Variants in A1BG observed in about 807,000 individuals in gnomAD.
A1BG encodes the protein alpha-1-B glycoprotein, also known as alpha-1B-glycoprotein.
Under a neutral mutation model 46.0 loss-of-function variants are expected in A1BG, and 44 were observed. That is an observed-to-expected ratio of 0.96 (90% CI 0.75 to 1.23). The LOEUF is 1.23. Among genes scored for constraint, A1BG ranks in the 50% most tolerant of loss-of-function variants. A1BG has a pLI of 0.00. For missense variants in A1BG, 707 were observed against 688.8 expected (o/e 1.03, Z -0.30); for synonymous variants, 316 against 314.7 (o/e 1.00, Z -0.04).
At chr19:58,351,792 ATTCTT>A in intron 4 of A1BG, 105 bp from the exon 5 acceptor site, 2 of 968,388 alleles carry the variant, frequency 2.1e-6, no homozygotes, top group African/African-American at 4.0e-5. Flanking sequence ...ACACCCTTCC[ATTCTT>A]TTTTTTTTTT....
chr19:58,352,416 C>T lies in A1BG; in HGVS notation c.480G>A (p.Glu160=). Reference sequence around the variant, plus strand: ...CCACATCCTCCTGGGCCTCAGGCACCTCCAGAAACTCATGGTCGCCCTCCC... The same window carrying T: ...CCACATCCTCCTGGGCCTCAGGCACTTCCAGAAACTCATGGTCGCCCTCCC... ...LRREGDHEFL[E]VPEAQEDVEA... Residue 160 remains glutamate (E), a synonymous_variant, in exon 4 of 8, where the codon GAG becomes GAA. Transcript: ENST00000263100. The T allele has an allele frequency of 6.2e-7, 1 of 1,613,820 alleles. No homozygotes were observed. Among genetic ancestry groups the T allele is most frequent in the African/African-American group, 1.3e-5 (1 of 74,976 alleles).
At position 58,353,088 on chromosome 19, in the gene A1BG, C is replaced by A. The variant is rs2051978968; in HGVS notation, c.180G>T (p.Leu60=). The A allele has an allele frequency of 5.0e-6, 8 of 1,614,192 alleles. No homozygotes were observed. Among genetic ancestry groups the A allele is most frequent in the Non-Finnish European group, 6.8e-6 (8 of 1,180,028 alleles). ...GCTCCTGGGCCACCCCATTCTTGAA[C>A]AGCTGGAAGTCTGGAGTCTCCAGGT... ...QAHLETPDFQ[L]FKNGVAQEPV... is the part of the protein sequence containing the mutation. The change falls in exon 3 of 8, where the codon CTG becomes CTT. Residue 60 remains leucine, a synonymous_variant. Transcript: ENST00000263100.
At chr19:58,349,487 C>CT (rs1048687308) in intron 6 of A1BG, 3 of 151,668 alleles carry the variant, frequency 2.0e-5, no homozygotes, top group Non-Finnish European at 2.9e-5. Context: ...CCGGTCTCTA[C>CT]TAAAAATACG....
Position 58,346,645 on chromosome 19 carries a change from G to T in A1BG, c.*377C>A. On this transcript the variant is annotated 3_prime_UTR_variant, in exon 8 of 8. Coordinates refer to ENST00000263100, the MANE Select transcript of A1BG (RefSeq NM_130786.4). ...TGAGGCAGGAGGATCGCTTGAGCCT[G>T]GGAGGTCAAAACTGCAGTGAGCCGG... 3.4e-6 allele frequency: 1 copy of T among 294,534 alleles called. No individual in the cohort carries two copies. The highest frequency in any genetic ancestry group is 3.1e-5 in the South Asian group (1 of 31,836). 18.2% of individuals were successfully genotyped at this position (294,534 alleles called of 1,614,324 possible).
intron 6 of A1BG, chr19:58,349,108 T>A (rs1158036166): frequency 2.0e-5 from 3 of 151,452 alleles, no homozygotes; most frequent in African/African-American, 7.3e-5. Context: ...AAACTCCACC[T>A]CCCGGGTTAA....
chr19:58,351,631 G>C lies in A1BG; in HGVS notation c.670C>G (p.Pro224Ala), dbSNP rs1214597106. The change falls in exon 5 of 8, where the codon CCT (proline) becomes GCT (alanine). Residue 224 changes from proline (P) to alanine (A), a missense_variant. Coordinates refer to ENST00000263100, the MANE Select transcript of A1BG (RefSeq NM_130786.4). ...CAGGTGAGGGTCACCTTGTTGCCAG[G>C]GTGCAGGACCTGGGAGGACTCTCCA... The part of the protein sequence containing the change: ...HHGESSQVLH[P>A]GNKVTLTCVA... 6.2e-7 allele frequency: 1 copy of C among 1,612,838 alleles called. No homozygotes were observed. Among genetic ancestry groups the C allele is most frequent in the Admixed American group, 1.7e-5 (1 of 59,926 alleles).
Position 58,345,891 on chromosome 19 carries a change from C to A in A1BG, c.*1131G>T, listed in dbSNP as rs910123371. On this transcript the variant is annotated 3_prime_UTR_variant, in exon 8 of 8. Transcript: ENST00000263100. ...CAACTATTGGTTGATAATACTGATACGCATCTTCTGTGTGCCAGGGCCTTG... is the reference window on the plus strand; with the variant it reads ...CAACTATTGGTTGATAATACTGATAAGCATCTTCTGTGTGCCAGGGCCTTG... 6.6e-6 allele frequency: 1 copy of A among 152,266 alleles called. No homozygotes were observed. The highest frequency in any genetic ancestry group is 6.5e-5 in the Admixed American group (1 of 15,290). 9.4% of individuals were successfully genotyped at this position (152,266 alleles called of 1,614,324 possible). A position where few individuals can be genotyped will look rare whatever the true frequency, so the allele number is the denominator to read the frequency against.
chr19:58,350,220 C>T (rs2051944700), intron 6 of A1BG, 150 bp downstream of exon 6: 1 of 1,053,618 alleles, frequency 9.5e-7, no homozygotes, highest in Non-Finnish European at 1.3e-6. Flanking sequence ...CCTCGACCAC[C>T]GATCGCCTGC....
chr19:58,347,927 C>T (rs1257381875), intron 6 of A1BG: 1 of 288,356 alleles, frequency 3.5e-6, no homozygotes, highest in East Asian at 5.6e-5. Context: ...TCCCCAGCCT[C>T]GGTCACTCTG....
At position 58,351,379 on chromosome 19, in the gene A1BG, G is replaced by A. The variant is rs192588134; in HGVS notation, c.910+12C>T. 7.5e-6 allele frequency: 12 copies of A among 1,606,424 alleles called. No homozygotes were observed. In the African/African-American group the frequency reaches 1.2e-4, roughly 16 times the overall value. On this transcript the variant is annotated intron_variant, in intron 5 of 7. Coordinates refer to ENST00000263100, the MANE Select transcript of A1BG (RefSeq NM_130786.4). ...CCCAGCCGCGTCCCTGTCCCTGCTGGCCCCGGCTCACCATCGCTCAGAATC... is the reference window on the plus strand; with the variant it reads ...CCCAGCCGCGTCCCTGTCCCTGCTGACCCCGGCTCACCATCGCTCAGAATC...
chr19:58,348,528 C>G (rs1256685924), intron 6 of A1BG: 1 of 152,208 alleles, frequency 6.6e-6, no homozygotes, highest in Non-Finnish European at 1.5e-5. Flanking sequence ...CTAGCCCAGC[C>G]TAGCAGAAAA....
At position 58,346,815 on chromosome 19, in the gene A1BG, C is replaced by G; in HGVS notation, c.*207G>C. 1.5e-6 allele frequency: 1 copy of G among 687,664 alleles called. No individual in the cohort carries two copies. Among genetic ancestry groups the G allele is most frequent in the East Asian group, 2.7e-5 (1 of 36,968 alleles). 42.6% of individuals were successfully genotyped at this position (687,664 alleles called of 1,614,324 possible). A position where few individuals can be genotyped will look rare whatever the true frequency, so the allele number is the denominator to read the frequency against. On this transcript the variant is annotated 3_prime_UTR_variant, in exon 8 of 8. Coordinates refer to ENST00000263100, the MANE Select transcript of A1BG (RefSeq NM_130786.4). The stretch of plus-strand genomic sequence containing the variant: ...CCAGAACCCATCCACTTTGAGGACA[C>G]GAGATCCCAGCCCACTCAGCCCTGG...
chr19:58,352,407 C>T lies in A1BG; in HGVS notation c.489G>A (p.Glu163=), dbSNP rs770861923. ...AGGTGGCCTCCACATCCTCCTGGGCCTCAGGCACCTCCAGAAACTCATGGT... is the reference window on the plus strand; with the variant it reads ...AGGTGGCCTCCACATCCTCCTGGGCTTCAGGCACCTCCAGAAACTCATGGT... The part of the protein sequence containing the change: ...EGDHEFLEVP[E]AQEDVEATFP... Residue 163 remains glutamate, a synonymous_variant, in exon 4 of 8, where the codon GAG becomes GAA. Transcript: ENST00000263100. 3 of 1,613,816 alleles carry T rather than the reference C, an allele frequency of 1.9e-6. No individual in the cohort carries two copies. Among genetic ancestry groups the T allele is most frequent in the Admixed American group, 3.3e-5 (2 of 59,994 alleles).
At position 58,351,770 on chromosome 19, in the gene A1BG, G is replaced by A. The variant is rs1034050113; in HGVS notation, c.614-83C>T. The stretch of plus-strand genomic sequence containing the variant: ...TCCCCAGACCTCTGCCCTCCGGGTG[G>A]CAATCCCAGGAACACCCTTCCATTC... On this transcript the variant is annotated intron_variant, in intron 4 of 7. Coordinates refer to ENST00000263100, the MANE Select transcript of A1BG (RefSeq NM_130786.4). The A allele has an allele frequency of 9.7e-6, 13 of 1,340,500 alleles. No homozygotes were observed. In the African/African-American group the frequency reaches 1.3e-4, roughly 14 times the overall value. The allele number at this position is 1,340,500 out of a possible 1,614,324, so 83.0% of individuals were successfully genotyped here. A position where few individuals can be genotyped will look rare whatever the true frequency, so the allele number is the denominator to read the frequency against.
At chr19:58,352,070 A>T in intron 4 of A1BG, 1 of 1,427,320 alleles carries the variant, frequency 7.0e-7, no homozygotes, top group Non-Finnish European at 9.1e-7. Flanking sequence ...CTGGGATTAT[A>T]GGCGTGAGCC....
At chr19:58,347,324 C>T (rs908471419) in intron 7 of A1BG, 29 bp downstream of exon 7, 3 of 1,608,456 alleles carry the variant, frequency 1.9e-6, no homozygotes, top group Non-Finnish European at 2.5e-6. Flanking sequence ...GCAGACGGAA[C>T]CAGCACCCGG....
At chr19:58,352,842 G>A in intron 3 of A1BG, 86 bp downstream of exon 3, 4 of 1,511,020 alleles carry the variant, frequency 2.6e-6, no homozygotes, top group Non-Finnish European at 3.5e-6. Flanking sequence ...GGGGCTCAGA[G>A]ACATCGGGTG....
Position 58,350,526 on chromosome 19 carries a change from C to G in A1BG, c.1036G>C (p.Val346Leu), listed in dbSNP as rs764599017. The change falls in exon 6 of 8, where the codon GTG (valine) becomes CTG (leucine). Residue 346 changes from valine (V) to leucine (L), a missense_variant. Physicochemically the swap from Val to Leu is conservative, Grantham distance 32. Transcript: ENST00000263100. ...CCAGCGGGGCTCTGGAAACGGTGCA[C>G]GCGGCGCCCGCCCCTGTCCTCGCGC... Reference protein sequence around the residue: ...LVREDRGGRRVHRFQSPAGTE... With the variant: ...LVREDRGGRRLHRFQSPAGTE... 106 of 1,550,666 alleles carry G rather than the reference C, an allele frequency of 6.8e-5. No homozygotes were observed. Among genetic ancestry groups the G allele is most frequent in the Non-Finnish European group, 8.0e-5 (92 of 1,147,448 alleles).
In A1BG at chr19:58,352,295, T is replaced by G. The variant is rs921130797; in HGVS notation, c.601A>C (p.Ile201Leu). ...TTCCCACAGTCACCGAGCTCCTCAA[T>G]GGTCACAGTAGCGCTGGGCTCAGAG... is the stretch of plus-strand genomic sequence containing the variant. ...ALSEPSATVT[I>L]EELAAPPPPV... The change falls in exon 4 of 8, where the codon ATT becomes CTT. Residue 201 changes from isoleucine to leucine, a missense_variant. By Grantham distance (5) the Ile-to-Leu change is conservative. Transcript: ENST00000263100. 1 of 1,613,506 alleles carries G rather than the reference T, an allele frequency of 6.2e-7. No homozygotes were observed. Among genetic ancestry groups the G allele is most frequent in the East Asian group, 2.2e-5 (1 of 44,880 alleles).
Sources: gnomAD v4.1 joint callset for allele counts on GRCh38, gnomAD v4.1.1 for gene constraint, MANE v1.5 for transcripts, NCBI Gene and HGNC (gene_info 2026-07-23, HGNC 2026-07-21) for gene names.